Variants in C18orf32 observed in about 807,000 individuals in gnomAD.
The protein encoded by C18orf32 is UPF0729 protein C18orf32.
In C18orf32, 5 loss-of-function variants were observed where a neutral mutation model predicts 7.4. That is an observed-to-expected ratio of 0.68 (90% CI 0.35 to 1.42). The LOEUF (loss-of-function observed/expected upper bound fraction) is 1.42. C18orf32 is among the 40% of genes most tolerant of loss of function. The probability of loss-of-function intolerance (pLI) is 0.04; values close to 1 mark genes in which losing one functional copy is unlikely to be tolerated. For synonymous variants in C18orf32, 30 were observed against 29.3 expected (o/e 1.02, Z -0.08); for missense variants, 88 against 92.4 (o/e 0.95, Z 0.19).
rs1049120549 is a variant in C18orf32 at position 49,481,926 on chromosome 18, G to A, written c.*419C>T. On this transcript the variant is annotated 3_prime_UTR_variant, in exon 3 of 3. Transcript: ENST00000318240. ...CCCAAAATTCTACCTTCATTTCCCT[G>A]CACAGTTTCACTGGACTGTTTCACA... 1.1e-5 allele frequency: 2 copies of A among 182,272 alleles called. No individual in the cohort carries two copies. The highest frequency in any genetic ancestry group is 2.3e-5 in the Non-Finnish European group (2 of 87,964). The allele number at this position is 182,272 out of a possible 1,614,324, so 11.3% of individuals were successfully genotyped here.
rs1036761571 is a variant in C18orf32 at position 49,477,367 on chromosome 18, C to G, written c.*4978G>C. The G allele has an allele frequency of 6.7e-6, 1 of 150,284 alleles. No homozygotes were observed. Among genetic ancestry groups the G allele is most frequent in the Non-Finnish European group, 1.5e-5 (1 of 68,076 alleles). The allele number at this position is 150,284 out of a possible 1,614,324, so 9.3% of individuals were successfully genotyped here. On this transcript the variant is annotated 3_prime_UTR_variant, in exon 3 of 3. Coordinates refer to ENST00000318240, the MANE Select transcript of C18orf32 (RefSeq NM_001035005.4). The stretch of plus-strand genomic sequence containing the variant: ...CTTCCGCCTCCTGGACTTAAGCGAT[C>G]CTCTCACCTCAGCCTCCAGAAACTT...
intron 1 of C18orf32, chr18:49,484,680 A>G (rs1373130082): frequency 6.6e-6 from 1 of 152,238 alleles, no homozygotes; most frequent in Non-Finnish European, 1.5e-5. Context: ...GAATTTGATT[A>G]TAAAGGAAAA....
rs529422738 is a variant in C18orf32 at position 49,479,782 on chromosome 18, C to T, written c.*2563G>A. On this transcript the variant is annotated 3_prime_UTR_variant, in exon 3 of 3. Coordinates refer to ENST00000318240, the MANE Select transcript of C18orf32 (RefSeq NM_001035005.4). ...TGCTATGGATCGCTATTGGCCAAAC[C>T]CAGCAGAACCCAGAGACATGGGAAG... 6.6e-6 allele frequency: 1 copy of T among 152,414 alleles called. No individual in the cohort carries two copies. The highest frequency in any genetic ancestry group is 6.5e-5 in the Admixed American group (1 of 15,292). The allele number at this position is 152,414 out of a possible 1,614,324, so 9.4% of individuals were successfully genotyped here.
At chr18:49,483,495 T>C in intron 2 of C18orf32, 89 bp downstream of exon 2, 1 of 1,432,304 alleles carries the variant, frequency 7.0e-7, no homozygotes, top group Non-Finnish European at 9.3e-7. Context: ...AAGCTTCTGG[T>C]TCTAAAACTT....
In C18orf32 at chr18:49,484,153, TATATATATATATATACAC is replaced by T. The variant is rs1200835683; in HGVS notation, c.-23-400_-23-383del. Among the ~76,000 whole-genome samples, 82 of 50,994 alleles carry T rather than the reference TATATATATATATATACAC, an allele frequency of 1.6e-3. 2 individuals are homozygous for T. Among genetic ancestry groups the T allele is most frequent in the African/African-American group, 1.9e-3 (16 of 8,630 alleles). 33.5% of individuals were successfully genotyped at this position (50,994 alleles called of 152,430 possible). A position where few individuals can be genotyped will look rare whatever the true frequency, so the allele number is the denominator to read the frequency against. ...CAAAAAAAGAAAAAAAAAAAATATA[TATATATATATATATACAC>T]ACACACACACACACACACACACACA... On this transcript the variant is annotated intron_variant, in intron 1 of 2. Transcript: ENST00000318240.
chr18:49,487,233 A>G lies in C18orf32; in HGVS notation c.-214T>C, dbSNP rs545022914. On this transcript the variant is annotated 5_prime_UTR_variant, in exon 1 of 3. Coordinates refer to ENST00000318240, the MANE Select transcript of C18orf32 (RefSeq NM_001035005.4). Reference sequence around the variant, plus strand: ...CGCGACCGCGGAAACGCAGCTGACAATGTCCGCACTTCCGGAGGGAGGGAC... The same window carrying G: ...CGCGACCGCGGAAACGCAGCTGACAGTGTCCGCACTTCCGGAGGGAGGGAC... 46 of 153,530 alleles carry G rather than the reference A, an allele frequency of 3.0e-4. No individual in the cohort carries two copies. The highest frequency in any genetic ancestry group is 1.1e-3 in the African/African-American group (46 of 41,604). The allele number at this position is 153,530 out of a possible 1,614,324, so 9.5% of individuals were successfully genotyped here.
rs775042329 is a variant in C18orf32 at position 49,483,679 on chromosome 18, T to C, written c.70A>G (p.Ile24Val). 20 of 1,613,810 alleles carry C rather than the reference T, an allele frequency of 1.2e-5. No individual in the cohort carries two copies. The South Asian group carries it at 1.8e-4, about 14-fold the overall frequency. The change falls in exon 2 of 3, where the codon ATA (isoleucine) becomes GTA (valine). Residue 24 changes from isoleucine to valine, a missense_variant. Ile to Val is a conservative substitution (Grantham distance 29). Coordinates refer to ENST00000318240, the MANE Select transcript of C18orf32 (RefSeq NM_001035005.4). The part of the protein sequence containing the change: ...WIYKKFLEPY[I>V]YPLVSPFVSR... ...ACGAAGGGGGAAACCAGAGGGTATA[T>C]ATATGGCTCCAGGAATTTTTTGTAG... is the stretch of plus-strand genomic sequence containing the variant.
In C18orf32 at chr18:49,478,217, T is replaced by G. The variant is rs2083634421; in HGVS notation, c.*4128A>C. On this transcript the variant is annotated 3_prime_UTR_variant, in exon 3 of 3. Transcript: ENST00000318240. ...ATATGCCTAGCTAAATTTTTTAATTTTTGGTGGAGGCGAGGTCTCCCTATG... is the reference window on the plus strand; with the variant it reads ...ATATGCCTAGCTAAATTTTTTAATTGTTGGTGGAGGCGAGGTCTCCCTATG... The G allele has an allele frequency of 6.7e-6, 1 of 149,404 alleles. No homozygotes were observed. Among genetic ancestry groups the G allele is most frequent in the Non-Finnish European group, 1.5e-5 (1 of 67,994 alleles). The allele number at this position is 149,404 out of a possible 1,614,324, so 9.3% of individuals were successfully genotyped here.
Position 49,479,475 on chromosome 18 carries a change from T to C in C18orf32, c.*2870A>G, listed in dbSNP as rs146268399. 1.7e-3 allele frequency: 265 copies of C among 152,450 alleles called. No individual in the cohort carries two copies. The highest frequency in any genetic ancestry group is 5.9e-3 in the African/African-American group (244 of 41,542). 9.4% of individuals were successfully genotyped at this position (152,450 alleles called of 1,614,324 possible). A position where few individuals can be genotyped will look rare whatever the true frequency, so the allele number is the denominator to read the frequency against. ...GTGCATTAACCTGTGCAGTGAGCAA[T>C]AGTATTCTCCCAGGCAGTGTCCCAG... On this transcript the variant is annotated 3_prime_UTR_variant, in exon 3 of 3. Coordinates refer to ENST00000318240, the MANE Select transcript of C18orf32 (RefSeq NM_001035005.4).
chr18:49,483,874 C>T (rs377452792), intron 1 of C18orf32, 103 bp from the exon 2 acceptor site: 28 of 1,348,524 alleles, frequency 2.1e-5, no homozygotes, highest in African/African-American at 1.5e-4. Flanking sequence ...TGGTGGCTCA[C>T]GCCTGTAATC....
Position 49,483,683 on chromosome 18 carries a change from T to A in C18orf32, c.66A>T (p.Pro22=). 1 of 1,613,912 alleles carries A rather than the reference T, an allele frequency of 6.2e-7. No homozygotes were observed. The highest frequency in any genetic ancestry group is 8.5e-7 in the Non-Finnish European group (1 of 1,179,986). ...LLWIYKKFLE[P]YIYPLVSPFV... ...AGGGGGAAACCAGAGGGTATATATA[T>A]GGCTCCAGGAATTTTTTGTAGATCC... Residue 22 remains proline, a synonymous_variant, in exon 2 of 3, where the codon CCA becomes CCT. Coordinates refer to ENST00000318240, the MANE Select transcript of C18orf32 (RefSeq NM_001035005.4).
chr18:49,478,985 C>T lies in C18orf32; in HGVS notation c.*3360G>A, dbSNP rs1373271877. The T allele has an allele frequency of 6.6e-6, 1 of 152,110 alleles. No homozygotes were observed. Among genetic ancestry groups the T allele is most frequent in the African/African-American group, 2.4e-5 (1 of 41,402 alleles). The allele number at this position is 152,110 out of a possible 1,614,324, so 9.4% of individuals were successfully genotyped here. A position where few individuals can be genotyped will look rare whatever the true frequency, so the allele number is the denominator to read the frequency against. On this transcript the variant is annotated 3_prime_UTR_variant, in exon 3 of 3. Coordinates refer to ENST00000318240, the MANE Select transcript of C18orf32 (RefSeq NM_001035005.4). ...ATAAATTGTAGCTTTTTGATATACT[C>T]CTGCTTGGAAAAATCAAAAGTTGGC...
At position 49,482,129 on chromosome 18, in the gene C18orf32, A is replaced by G; in HGVS notation, c.*216T>C. On this transcript the variant is annotated 3_prime_UTR_variant, in exon 3 of 3. Coordinates refer to ENST00000318240, the MANE Select transcript of C18orf32 (RefSeq NM_001035005.4). ...CAGCAATAACAGAAATGAAAGCTAC[A>G]TTAACGAAAAAGGAACTTAGGAATG... The G allele has an allele frequency of 2.0e-6, 1 of 501,156 alleles. No individual in the cohort carries two copies. Among genetic ancestry groups the G allele is most frequent in the Non-Finnish European group, 3.5e-6 (1 of 285,866 alleles). 31.0% of individuals were successfully genotyped at this position (501,156 alleles called of 1,614,324 possible).
At position 49,481,148 on chromosome 18, in the gene C18orf32, G is replaced by C. The variant is rs2083656687; in HGVS notation, c.*1197C>G. On this transcript the variant is annotated 3_prime_UTR_variant, in exon 3 of 3. Transcript: ENST00000318240. ...AATGAGAATTTATCTTATCCCTCAG[G>C]TGGCTTTGGACAGAAAAGCTGAGAC... 6.6e-6 allele frequency: 1 copy of C among 152,050 alleles called. No homozygotes were observed. The highest frequency in any genetic ancestry group is 1.5e-5 in the Non-Finnish European group (1 of 68,034). 9.4% of individuals were successfully genotyped at this position (152,050 alleles called of 1,614,324 possible).
At chr18:49,484,138 A>AAAAAAG (rs1467855754) in intron 1 of C18orf32, among the ~76,000 whole-genome samples, 1 of 76,966 alleles carries the variant, frequency 1.3e-5, no homozygotes, top group Non-Finnish European at 2.4e-5. Flanking sequence ...CAAAAAAAGA[A>AAAAAAG]AAAAAAAAAA....
At position 49,479,068 on chromosome 18, in the gene C18orf32, G is replaced by A. The variant is rs1223192230; in HGVS notation, c.*3277C>T. The A allele has an allele frequency of 6.6e-6, 1 of 152,114 alleles. No individual in the cohort carries two copies. The highest frequency in any genetic ancestry group is 2.4e-5 in the African/African-American group (1 of 41,422). 9.4% of individuals were successfully genotyped at this position (152,114 alleles called of 1,614,324 possible). A position where few individuals can be genotyped will look rare whatever the true frequency, so the allele number is the denominator to read the frequency against. Reference sequence around the variant, plus strand: ...AAAATGTTGCTAGTATGAAAACAACGACTGGGAACCAGTGTTCTAGAGAGG... The same window carrying A: ...AAAATGTTGCTAGTATGAAAACAACAACTGGGAACCAGTGTTCTAGAGAGG... On this transcript the variant is annotated 3_prime_UTR_variant, in exon 3 of 3. Coordinates refer to ENST00000318240, the MANE Select transcript of C18orf32 (RefSeq NM_001035005.4).
chr18:49,477,850 CACACTATATATATACACACTATATATAT>C lies in C18orf32; in HGVS notation c.*4467_*4494del. ...ATATATACACATATATATATATACA[CACACTATATATATACACACTATATATAT>C]ACACTATATATATATACACTATATG... is the stretch of plus-strand genomic sequence containing the variant. On this transcript the variant is annotated 3_prime_UTR_variant, in exon 3 of 3. Coordinates refer to ENST00000318240, the MANE Select transcript of C18orf32 (RefSeq NM_001035005.4). The C allele has an allele frequency of 7.2e-6, 1 of 139,764 alleles. No homozygotes were observed. Among genetic ancestry groups the C allele is most frequent in the Non-Finnish European group, 1.5e-5 (1 of 66,018 alleles). The allele number at this position is 139,764 out of a possible 1,614,324, so 8.7% of individuals were successfully genotyped here.
Position 49,482,319 on chromosome 18 carries a change from T to C in C18orf32, c.*26A>G, listed in dbSNP as rs200074509. ...CATATTATCAGGTCCATTTTTTAAATGATGGGGTCCTTTAGGAAAATTTCT... is the reference window on the plus strand; with the variant it reads ...CATATTATCAGGTCCATTTTTTAAACGATGGGGTCCTTTAGGAAAATTTCT... On this transcript the variant is annotated 3_prime_UTR_variant, in exon 3 of 3. Coordinates refer to ENST00000318240, the MANE Select transcript of C18orf32 (RefSeq NM_001035005.4). 7.3e-4 allele frequency: 1,143 copies of C among 1,556,318 alleles called. 2 individuals are homozygous for C. The highest frequency in any genetic ancestry group is 9.5e-4 in the Non-Finnish European group (1,073 of 1,129,326).
intron 2 of C18orf32, among the ~76,000 whole-genome samples, chr18:49,482,785 A>C (rs1398665271): frequency 1.4e-5 from 2 of 146,536 alleles, no homozygotes; most frequent in African/African-American, 5.1e-5. Flanking sequence ...ATATTAAGAG[A>C]CATTCTGTCT....
Sources: allele counts gnomAD v4.1 joint callset (sites outside exome capture counted in the v4.1 genomes callset), GRCh38; gene constraint gnomAD v4.1.1; transcripts MANE v1.5; gene names NCBI Gene and HGNC (gene_info 2026-07-23, HGNC 2026-07-21).